SPSB1: variants seen among roughly 807,000 people sequenced by gnomAD.
The protein encoded by SPSB1 is SPRY domain-containing SOCS box protein 1.
In SPSB1, 8 loss-of-function variants were observed where a neutral mutation model predicts 21.2. The ratio of observed to expected loss-of-function variants is 0.38; its 90% confidence interval spans 0.22 to 0.68. The LOEUF (loss-of-function observed/expected upper bound fraction) is 0.68. Ranked by LOEUF, SPSB1 falls within the 30% of genes least tolerant of loss-of-function variation. The pLI is 0.53. For synonymous variants in SPSB1, 169 were observed against 161.7 expected, an observed-to-expected ratio of 1.05 and a Z score of -0.34; for missense variants, 242 against 377.8, an observed-to-expected ratio of 0.64 and a Z score of 2.98.
rs140221358 is a variant in SPSB1 at position 9,357,089 on chromosome 1, GTGGATGGA to G, written c.694+519_694+526del. 3.6e-4 allele frequency among the ~76,000 whole-genome samples: 54 copies of G among 150,378 alleles called. No homozygotes were observed. The East Asian group carries it at 5.7e-3, about 16-fold the overall frequency. On this transcript the variant is annotated intron_variant, in intron 2 of 2. Transcript: ENST00000328089. ...GATAAATGAACGGATGGATGGGTGG[GTGGATGGA>G]TGGATGGATGGATGAGTGGATGGAT... is the stretch of plus-strand genomic sequence containing the variant.
intron 1 of SPSB1, among the ~76,000 whole-genome samples, chr1:9,330,787 T>C (rs1423262752): frequency 6.6e-6 from 1 of 152,104 alleles, no homozygotes; most frequent in Non-Finnish European, 1.5e-5. Flanking sequence ...TTCAGTAGCG[T>C]TGAGTACATT....
At chr1:9,361,151 A>ATTTTTTTTTTTTTTTTTT (rs1640466435) in intron 2 of SPSB1, among the ~76,000 whole-genome samples, 2 of 66,158 alleles carry the variant, frequency 3.0e-5, no homozygotes, top group African/African-American at 1.5e-4. Context: ...TGGATCTGTC[A>ATTTTTTTTTTTTTTTTTT]TTTTCTTTTT....
intron 1 of SPSB1, among the ~76,000 whole-genome samples, chr1:9,323,087 C>A (rs1466393456): frequency 6.6e-6 from 1 of 152,248 alleles, no homozygotes; most frequent in African/African-American, 2.4e-5. Context: ...CGCCCCTCCC[C>A]AGCTCCGGCC....
chr1:9,308,846 G>T (rs1436915911), intron 1 of SPSB1, among the ~76,000 whole-genome samples: 2 of 152,138 alleles, frequency 1.3e-5, no homozygotes, highest in East Asian at 3.9e-4. Context: ...AGTGGAACGT[G>T]CCAGTCCTGT....
intron 1 of SPSB1, among the ~76,000 whole-genome samples, chr1:9,337,428 C>G (rs1640021237): frequency 6.6e-6 from 1 of 151,902 alleles, no homozygotes; most frequent in African/African-American, 2.4e-5. Flanking sequence ...CCCACCTAGC[C>G]AGTGAGATTG....
intron 2 of SPSB1, among the ~76,000 whole-genome samples, chr1:9,358,067 C>CTT (rs1640404301): frequency 6.6e-6 from 1 of 152,196 alleles, no homozygotes; most frequent in Non-Finnish European, 1.5e-5. Flanking sequence ...GATGCTGACT[C>CTT]TGTCTTGAAG....
chr1:9,335,643 C>G (rs577288519), intron 1 of SPSB1, among the ~76,000 whole-genome samples: 1 of 152,134 alleles, frequency 6.6e-6, no homozygotes, highest in Admixed American at 6.5e-5. Context: ...TCTACAAAAA[C>G]TAAAAAACTA....
At chr1:9,344,633 A>T (rs1640141759) in intron 1 of SPSB1, among the ~76,000 whole-genome samples, 2 of 152,128 alleles carry the variant, frequency 1.3e-5, no homozygotes, top group African/African-American at 2.4e-5. Context: ...CTGGAGCTTT[A>T]TTAGGCAATT....
At chr1:9,339,072 G>A (rs9442510) in intron 1 of SPSB1, among the ~76,000 whole-genome samples, 8,492 of 152,176 alleles carry the variant, frequency 0.056, 360 homozygotes, top group Non-Finnish European at 0.081. Context: ...CCTTGGAGAC[G>A]GTGGAGCTTG....
intron 2 of SPSB1, among the ~76,000 whole-genome samples, chr1:9,362,853 C>T (rs1243704208): frequency 2.6e-5 from 4 of 152,248 alleles, no homozygotes; most frequent in African/African-American, 7.2e-5. Flanking sequence ...GATTTCTTTG[C>T]TGCTCATTCA....
Position 9,356,692 on chromosome 1 carries a change from C to T in SPSB1, c.694+107C>T, listed in dbSNP as rs574346346. 1.6e-5 allele frequency: 23 copies of T among 1,465,398 alleles called. No individual in the cohort carries two copies. The highest frequency in any genetic ancestry group is 1.3e-4 in the African/African-American group (9 of 71,122). 90.8% of individuals were successfully genotyped at this position (1,465,398 alleles called of 1,614,324 possible). Reference sequence around the variant, plus strand: ...CATTGGAACTAGAGTGTTTTGAAGACGATATTCCAGTGTATTCAGACCCTC... The same window carrying T: ...CATTGGAACTAGAGTGTTTTGAAGATGATATTCCAGTGTATTCAGACCCTC... On this transcript the variant is annotated intron_variant, in intron 2 of 2. Transcript: ENST00000328089. This position sits in a 1 kb window ranked among gnomAD's most constrained non-coding sequence, Gnocchi z 7.4.
chr1:9,362,414 G>A lies in SPSB1; in HGVS notation c.695-5034G>A, dbSNP rs946066733. On this transcript the variant is annotated intron_variant, in intron 2 of 2. Transcript: ENST00000328089. Reference sequence around the variant, plus strand: ...GGCTGTGCTCTTTCGTAAGAACTGCGTAGTGTAGAGGAAAACACACACACA... The same window carrying A: ...GGCTGTGCTCTTTCGTAAGAACTGCATAGTGTAGAGGAAAACACACACACA... Among the ~76,000 whole-genome samples, 9 of 152,246 alleles carry A rather than the reference G, an allele frequency of 5.9e-5. No individual in the cohort carries two copies. In the East Asian group the frequency reaches 7.7e-4, roughly 13 times the overall value.
At chr1:9,323,981 G>A (rs1639769717) in intron 1 of SPSB1, among the ~76,000 whole-genome samples, 1 of 152,130 alleles carries the variant, frequency 6.6e-6, no homozygotes, top group African/African-American at 2.4e-5. Flanking sequence ...GGAGGAGGTG[G>A]GCCACTTGCA....
chr1:9,359,062 G>A (rs897296292), intron 2 of SPSB1, among the ~76,000 whole-genome samples: 1 of 152,226 alleles, frequency 6.6e-6, no homozygotes, highest in Non-Finnish European at 1.5e-5. Context: ...TTCGGGAACC[G>A]CATCTGTGAG....
At chr1:9,338,112 A>G (rs992415879) in intron 1 of SPSB1, among the ~76,000 whole-genome samples, 7 of 152,170 alleles carry the variant, frequency 4.6e-5, no homozygotes, top group African/African-American at 1.7e-4. Context: ...AGGGGCCAAC[A>G]TCTCTCCCTG....
rs1569653308 is a variant in SPSB1 at position 9,356,273 on chromosome 1, G to A, written c.382G>A (p.Gly128Arg). The change falls in exon 2 of 3, where the codon GGG becomes AGG. Residue 128 changes from glycine (G) to arginine (R), a missense_variant. Coordinates refer to ENST00000328089, the MANE Select transcript of SPSB1 (RefSeq NM_025106.4). The surrounding 1 kb of genome is among the most constrained non-coding windows in gnomAD (Gnocchi z 7.4). Reference sequence around the variant, plus strand: ...GGCAGACGCCCCCCTGCACTCTGTCGGGTACACAACCCTCGTGGGGAATAA... The same window carrying A: ...GGCAGACGCCCCCCTGCACTCTGTCAGGTACACAACCCTCGTGGGGAATAA... ...ATADAPLHSV[G>R]YTTLVGNNHE... is the part of the protein sequence containing the mutation. 5 of 1,613,272 alleles carry A rather than the reference G, an allele frequency of 3.1e-6. No homozygotes were observed. The highest frequency in any genetic ancestry group is 1.1e-5 in the South Asian group (1 of 91,066).
At position 9,293,034 on chromosome 1, in the gene SPSB1, C is replaced by T. The variant is rs553016569; in HGVS notation, c.-187C>T. On this transcript the variant is annotated 5_prime_UTR_variant, in exon 1 of 3. Transcript: ENST00000328089. The surrounding 1 kb of genome is among the most constrained non-coding windows in gnomAD (Gnocchi z 5.1). ...GGCCCGGGCGCCCGAGCCTCCTCGG[C>T]CTTGGAGAGCAGCGGCGGCGGCGGC... The T allele has an allele frequency of 2.1e-3, 2,020 of 981,166 alleles. 35 individuals are homozygous for T. In the African/African-American group the frequency reaches 0.033, roughly 16 times the overall value. 60.8% of individuals were successfully genotyped at this position (981,166 alleles called of 1,614,324 possible).
chr1:9,339,130 T>A, intron 1 of SPSB1: 4 of 821,006 alleles, frequency 4.9e-6, no homozygotes, highest in South Asian at 5.5e-5. Context: ...CTGGGGACCC[T>A]ACTGCGGGGG....
intron 1 of SPSB1, among the ~76,000 whole-genome samples, chr1:9,309,765 C>G (rs552633459): frequency 6.6e-6 from 1 of 152,242 alleles, no homozygotes; most frequent in East Asian, 1.9e-4. Flanking sequence ...TCGCTTGAAC[C>G]CAGGAGGCAG....
Sources: allele counts gnomAD v4.1 joint callset (sites outside exome capture counted in the v4.1 genomes callset), GRCh38; gene constraint gnomAD v4.1.1; non-coding constraint Gnocchi (gnomAD v3.1); transcripts MANE v1.5; gene names NCBI Gene and HGNC (gene_info 2026-07-23, HGNC 2026-07-21).